The following ZNF736 variants were observed in gnomAD, a reference collection of about 807,000 sequenced individuals.
The protein encoded by ZNF736 is KRAB-containing zinc-finger repressor protein.
A neutral mutation model predicts 11.7 loss-of-function variants in ZNF736; 6 were observed. That is an observed-to-expected ratio of 0.51 (90% CI 0.28 to 1.01). ZNF736 has a LOEUF of 1.01. ZNF736 is among the 50% of genes least tolerant of loss of function. The probability of loss-of-function intolerance (pLI) is 0.09; values close to 1 mark genes in which losing one functional copy is unlikely to be tolerated. For synonymous variants in ZNF736, 139 were observed against 164.7 expected (o/e 0.84, Z 1.19); for missense variants, 444 against 496.0 (o/e 0.90, Z 1.00).
At position 64,337,873 on chromosome 7, in the gene ZNF736, G is replaced by A. The variant is rs531795137; in HGVS notation, c.226+891G>A. The stretch of plus-strand genomic sequence containing the variant: ...AGGTTCAAGCGATTCTTCTGCCTCA[G>A]CCTCCCTAGTAGCTGGGATTACAGG... On this transcript the variant is annotated intron_variant, in intron 3 of 3. Transcript: ENST00000423484. Among the ~76,000 whole-genome samples, 23 of 151,032 alleles carry A rather than the reference G, an allele frequency of 1.5e-4. No individual in the cohort carries two copies. In the East Asian group the frequency reaches 4.4e-3, roughly 29 times the overall value.
intron 2 of ZNF736, among the ~76,000 whole-genome samples, 164 bp downstream of exon 2, chr7:64,336,549 C>T (rs1789254343): frequency 6.6e-6 from 1 of 152,092 alleles, no homozygotes; most frequent in East Asian, 1.9e-4. Context: ...CAAGATGTTT[C>T]ATCTTAACAT....
rs546444213 is a variant in ZNF736, at chr7:64,336,383, T to G, written c.128T>G (p.Leu43Trp). 1.2e-6 allele frequency: 2 copies of G among 1,606,440 alleles called. No homozygotes were observed. Among genetic ancestry groups the G allele is most frequent in the African/African-American group, 2.7e-5 (2 of 74,496 alleles). The change falls in exon 2 of 4, where the codon TTG (leucine) becomes TGG (tryptophan). Residue 43 changes from leucine to tryptophan, a missense_variant and splice_region_variant. Physicochemically the swap from Leu to Trp is moderately conservative, Grantham distance 61. Transcript: ENST00000423484. ...MLENYGNLVSLGLAIFKPDLM... is the reference protein window; with the variant it reads ...MLENYGNLVSWGLAIFKPDLM... ...GAGAACTATGGAAACCTGGTCTCCT[T>G]GGGTGAGAATAACTTCAATATACAA...
In ZNF736 at chr7:64,352,946, C is replaced by G. The variant is rs1167578727; in HGVS notation, c.*3799C>G. ...AGTGGGTCCTACAGACCATCACTATCAGCCCCCTGGATTCTGCCTCTTTCC... is the reference window on the plus strand; with the variant it reads ...AGTGGGTCCTACAGACCATCACTATGAGCCCCCTGGATTCTGCCTCTTTCC... On this transcript the variant is annotated 3_prime_UTR_variant, in exon 4 of 4. Transcript: ENST00000423484. 6.6e-6 allele frequency: 1 copy of G among 152,274 alleles called. No homozygotes were observed. 9.4% of individuals were successfully genotyped at this position (152,274 alleles called of 1,614,324 possible). A position where few individuals can be genotyped will look rare whatever the true frequency, so the allele number is the denominator to read the frequency against.
intron 3 of ZNF736, among the ~76,000 whole-genome samples, chr7:64,338,846 G>A (rs1414781433): frequency 6.6e-6 from 1 of 151,590 alleles, no homozygotes; most frequent in Non-Finnish European, 1.5e-5. Flanking sequence ...TATTGTATAT[G>A]CAGAAATGAG....
In ZNF736 at chr7:64,326,696, A is replaced by G. The variant is rs746703805; in HGVS notation, c.4-9563A>G. Among the ~76,000 whole-genome samples, 77 of 152,096 alleles carry G rather than the reference A, an allele frequency of 5.1e-4. 1 individual carries two copies. The Middle Eastern group carries it at 0.017, about 34-fold the overall frequency. ...TTTTTTGATGTAGGCACTTACTGCT[A>G]TAAACCTTCTTAGTACTTCTTTCAT... On this transcript the variant is annotated intron_variant, in intron 1 of 3. Transcript: ENST00000423484.
intron 3 of ZNF736, among the ~76,000 whole-genome samples, chr7:64,342,484 A>G (rs1487711049): frequency 2.6e-5 from 4 of 152,190 alleles, no homozygotes; most frequent in Non-Finnish European, 5.9e-5. Flanking sequence ...CTCACCTCAC[A>G]GAATTCCTAA....
chr7:64,319,333 G>GTGTGTGTATATATATA (rs1175526690), intron 1 of ZNF736, among the ~76,000 whole-genome samples: 1 of 71,638 alleles, frequency 1.4e-5, no homozygotes, highest in Non-Finnish European at 2.9e-5. Flanking sequence ...GTGTGTATGT[G>GTGTGTGTATATATATA]TATATATATA....
Position 64,348,978 on chromosome 7 carries a change from A to C in ZNF736, c.1115A>C (p.Glu372Ala). 1 of 1,589,794 alleles carries C rather than the reference A, an allele frequency of 6.3e-7. No homozygotes were observed. The highest frequency in any genetic ancestry group is 8.6e-7 in the Non-Finnish European group (1 of 1,167,304). Residue 372 changes from glutamate (E) to alanine (A), a missense_variant, in exon 4 of 4, where the codon GAA becomes GCA. By Grantham distance (107) the Glu-to-Ala change is moderately radical. Coordinates refer to ENST00000423484, the MANE Select transcript of ZNF736 (RefSeq NM_001170905.3). ...IHMEERPYKC[E>A]ECSKTFKCFS... ...ATGGAAGAGAGACCTTACAAATGTG[A>C]AGAATGCAGCAAAACCTTTAAGTGC...
chr7:64,345,615 G>A (rs979071634), intron 3 of ZNF736, among the ~76,000 whole-genome samples: 12 of 151,162 alleles, frequency 7.9e-5, no homozygotes, highest in African/African-American at 2.9e-4. Context: ...TGTAGTCCCA[G>A]CTACTCAGGA....
In ZNF736 at chr7:64,348,970, C is replaced by G; in HGVS notation, c.1107C>G (p.Tyr369Ter). 6.3e-7 allele frequency: 1 copy of G among 1,590,370 alleles called. No homozygotes were observed. Among genetic ancestry groups the G allele is most frequent in the Non-Finnish European group, 8.6e-7 (1 of 1,167,618 alleles). Residue 369 changes from tyrosine (Y) to a stop codon, truncating the protein, a stop_gained, in exon 4 of 4, where the codon TAC (tyrosine) becomes TAG (stop). Coordinates refer to ENST00000423484, the MANE Select transcript of ZNF736 (RefSeq NM_001170905.3). LOFTEE classifies it low-confidence loss of function (END_TRUNC). Reference sequence around the variant, plus strand: ...GAATTCATATGGAAGAGAGACCTTACAAATGTGAAGAATGCAGCAAAACCT... The same window carrying G: ...GAATTCATATGGAAGAGAGACCTTAGAAATGTGAAGAATGCAGCAAAACCT... ...HKRIHMEERP[Y>*]KCEECSKTFK...
chr7:64,333,927 T>G (rs1789209318), intron 1 of ZNF736, among the ~76,000 whole-genome samples: 1 of 152,220 alleles, frequency 6.6e-6, no homozygotes, highest in East Asian at 1.9e-4. Context: ...AACAGCATGG[T>G]ACTGGTACCA....
chr7:64,331,640 C>T (rs1219319337), intron 1 of ZNF736, among the ~76,000 whole-genome samples: 1 of 152,132 alleles, frequency 6.6e-6, no homozygotes, highest in Non-Finnish European at 1.5e-5. Context: ...GCTCCACTTC[C>T]CTTGCAGCCA....
chr7:64,332,484 C>G (rs1227962240), intron 1 of ZNF736, among the ~76,000 whole-genome samples: 1 of 152,158 alleles, frequency 6.6e-6, no homozygotes, highest in African/African-American at 2.4e-5. Flanking sequence ...TCTGAGGGAA[C>G]AGGACAAAAG....
At position 64,354,073 on chromosome 7, in the gene ZNF736, T is replaced by A. The variant is rs1392820545; in HGVS notation, c.*4926T>A. 1 of 152,180 alleles carries A rather than the reference T, an allele frequency of 6.6e-6. No individual in the cohort carries two copies. The highest frequency in any genetic ancestry group is 1.5e-5 in the Non-Finnish European group (1 of 68,018). The allele number at this position is 152,180 out of a possible 1,614,324, so 9.4% of individuals were successfully genotyped here. A position where few individuals can be genotyped will look rare whatever the true frequency, so the allele number is the denominator to read the frequency against. On this transcript the variant is annotated 3_prime_UTR_variant, in exon 4 of 4. Coordinates refer to ENST00000423484, the MANE Select transcript of ZNF736 (RefSeq NM_001170905.3). ...CAGTGGTCTTTAACTTAAAATAATT[T>A]AGAGAATATGGTTTCTACAACTTAC...
At position 64,314,087 on chromosome 7, in the gene ZNF736, T is replaced by C. The variant is rs541056100; in HGVS notation, c.-64T>C. On this transcript the variant is annotated 5_prime_UTR_variant, in exon 1 of 4. Coordinates refer to ENST00000423484, the MANE Select transcript of ZNF736 (RefSeq NM_001170905.3). ...GGTGACTCTACTATAGCTTCTGTTA[T>C]CCTGTGACCTGCAGGTACTGGGAGA... is the stretch of plus-strand genomic sequence containing the variant. 206 of 1,550,266 alleles carry C rather than the reference T, an allele frequency of 1.3e-4. 8 individuals carry two copies. In the South Asian group the frequency reaches 2.2e-3, roughly 16 times the overall value.
chr7:64,339,179 AGTT>A (rs1407573006), intron 3 of ZNF736, among the ~76,000 whole-genome samples: 2 of 152,018 alleles, frequency 1.3e-5, no homozygotes, highest in African/African-American at 2.4e-5. Context: ...TTACTATTAT[AGTT>A]GTTGCCTTTT....
intron 1 of ZNF736, among the ~76,000 whole-genome samples, chr7:64,323,338 A>C (rs1789027642): frequency 6.6e-6 from 1 of 152,242 alleles, no homozygotes; most frequent in African/African-American, 2.4e-5. Flanking sequence ...TTGAGCATGA[A>C]ACACTTGTGA....
intron 1 of ZNF736, among the ~76,000 whole-genome samples, chr7:64,330,666 G>C (rs1432335738): frequency 6.6e-6 from 1 of 152,104 alleles, no homozygotes; most frequent in East Asian, 1.9e-4. Flanking sequence ...GGATTGCACT[G>C]TACTGGGTCT....
Position 64,336,881 on chromosome 7 carries a change from A to G in ZNF736, c.131-6A>G. On this transcript the variant is annotated splice_region_variant and splice_polypyrimidine_tract_variant and intron_variant, in intron 2 of 3. Coordinates refer to ENST00000423484, the MANE Select transcript of ZNF736 (RefSeq NM_001170905.3). Reference sequence around the variant, plus strand: ...AAGAGTCATGTTTTTTTTTCTAATAAAACAGGTCTTGCTATCTTTAAGCCA... The same window carrying G: ...AAGAGTCATGTTTTTTTTTCTAATAGAACAGGTCTTGCTATCTTTAAGCCA... 2 of 1,580,118 alleles carry G rather than the reference A, an allele frequency of 1.3e-6. No individual in the cohort carries two copies. Among genetic ancestry groups the G allele is most frequent in the East Asian group, 2.3e-5 (1 of 43,074 alleles).
Sources: gnomAD v4.1 joint callset for allele counts (sites outside exome capture counted in the v4.1 genomes callset) on GRCh38, gnomAD v4.1.1 for gene constraint, MANE v1.5 for transcripts, NCBI Gene and HGNC (gene_info 2026-07-23, HGNC 2026-07-21) for gene names.